ZC3H11A: variants seen among roughly 807,000 people sequenced by gnomAD.
ZC3H11A encodes the protein zinc finger CCCH domain-containing protein 11A.
A neutral mutation model predicts 90.8 loss-of-function variants in ZC3H11A; 22 were observed. The ratio of observed to expected loss-of-function variants is 0.24; its 90% CI spans 0.17 to 0.35. ZC3H11A has a LOEUF of 0.35. Ranked by LOEUF, ZC3H11A falls within the 10% of genes least tolerant of loss-of-function variation. ZC3H11A has a pLI of 1.00. For missense variants in ZC3H11A, 701 were observed against 964.9 expected (o/e 0.73, Z 3.62); for synonymous variants, 294 against 339.8 (o/e 0.87, Z 1.48).
chr1:203,806,798 T>G (rs924912402), intron 2 of ZC3H11A, among the ~76,000 whole-genome samples: 1 of 151,536 alleles, frequency 6.6e-6, no homozygotes, highest in African/African-American at 2.4e-5. Context: ...ATTTACCAAG[T>G]TTTTGTTGAG....
rs141925037 is a variant in ZC3H11A at position 203,826,258 on chromosome 1, C to T, written c.175-2041C>T. 1.1e-3 allele frequency among the ~76,000 whole-genome samples: 166 copies of T among 152,000 alleles called. 4 individuals are homozygous for T. The East Asian group carries it at 0.027, about 25-fold the overall frequency. On this transcript the variant is annotated intron_variant, in intron 4 of 17. Transcript: ENST00000367210. ...TTATTTTTACTTTATTTTTACTGCT[C>T]CTTGTGGAGCAGGGCCACTCTATAG...
chr1:203,838,672 C>T (rs149234790), intron 11 of ZC3H11A, among the ~76,000 whole-genome samples: 76 of 152,080 alleles, frequency 5.0e-4, no homozygotes, highest in East Asian at 4.1e-3. Context: ...ATAAACAGGC[C>T]GGGCACGGTA....
intron 2 of ZC3H11A, among the ~76,000 whole-genome samples, chr1:203,812,718 A>G (rs1674933148): frequency 6.6e-6 from 1 of 150,738 alleles, no homozygotes; most frequent in Non-Finnish European, 1.5e-5. Context: ...AGTAGCTGGG[A>G]TTACAGGTGT....
rs762203651 is a variant in ZC3H11A, at chr1:203,818,796, G to A, written c.174+107G>A. The A allele has an allele frequency of 4.7e-5, 71 of 1,525,946 alleles. No homozygotes were observed. The South Asian group carries it at 6.2e-4, about 13-fold the overall frequency. The allele number at this position is 1,525,946 out of a possible 1,614,324, so 94.5% of individuals were successfully genotyped here. On this transcript the variant is annotated intron_variant, in intron 4 of 17. Coordinates refer to ENST00000367210, the MANE Select transcript of ZC3H11A (RefSeq NM_001376342.1). ...TTTAAAAAATATATTAAGGCTGAGT[G>A]CAGTGGCTCATGCCTGTAGTTCCAG...
intron 12 of ZC3H11A, among the ~76,000 whole-genome samples, chr1:203,846,076 G>A (rs1239564520): frequency 7.6e-6 from 1 of 131,794 alleles, no homozygotes; most frequent in Non-Finnish European, 1.5e-5. Flanking sequence ...CAGGAGTTTG[G>A]AGACCAGCCT....
intron 2 of ZC3H11A, among the ~76,000 whole-genome samples, chr1:203,810,869 G>A (rs929402443): frequency 1.3e-5 from 2 of 151,846 alleles, no homozygotes; most frequent in African/African-American, 2.4e-5. Context: ...AGACGCTCAC[G>A]CCTGTAATCC....
intron 11 of ZC3H11A, among the ~76,000 whole-genome samples, chr1:203,838,954 C>CAAAA (rs59033094): frequency 4.7e-4 from 46 of 97,824 alleles, no homozygotes; most frequent in East Asian, 1.9e-3. Context: ...GACTTCATCT[C>CAAAA]AAAAAAAAAA....
Position 203,831,762 on chromosome 1 carries a change from A to T in ZC3H11A, c.802A>T (p.Thr268Ser), listed in dbSNP as rs773474696. The T allele has an allele frequency of 3.5e-5, 56 of 1,611,328 alleles. No homozygotes were observed. Among genetic ancestry groups the T allele is most frequent in the Middle Eastern group, 1.6e-4 (1 of 6,080 alleles). ...RTVVRTVTLS[T>S]KQGEEPLVRL... The stretch of plus-strand genomic sequence containing the variant: ...TGTGGTGAGGACAGTAACTCTCTCC[A>T]CCAAACAAGGTAAGGTATAGATAGG... Residue 268 changes from threonine to serine, a missense_variant, in exon 9 of 18, where the codon ACC (threonine) becomes TCC (serine). Thr to Ser is a moderately conservative substitution (Grantham distance 58). Around this residue, in one of 4 missense-constraint regions of ZC3H11A, gnomAD observed 530 missense variants for 696.2 expected, o/e 0.76. Coordinates refer to ENST00000367210, the MANE Select transcript of ZC3H11A (RefSeq NM_001376342.1).
chr1:203,823,729 A>C (rs1679545223), intron 4 of ZC3H11A, among the ~76,000 whole-genome samples: 1 of 152,194 alleles, frequency 6.6e-6, no homozygotes, highest in African/African-American at 2.4e-5. Context: ...TACTTTTTAC[A>C]CATAGGTATT....
chr1:203,805,819 CT>C, intron 2 of ZC3H11A: 1 of 874,126 alleles, frequency 1.1e-6, no homozygotes, highest in Non-Finnish European at 1.9e-6. Flanking sequence ...GCCGCCATAA[CT>C]GCGACTCAGT....
At chr1:203,830,313 C>T in intron 8 of ZC3H11A, 110 bp downstream of exon 8, 1 of 849,860 alleles carries the variant, frequency 1.2e-6, no homozygotes, top group Admixed American at 2.5e-5. Context: ...ATTTCCATGG[C>T]CTGTTTGAAG....
At chr1:203,819,550 T>C (rs1677739837) in intron 4 of ZC3H11A, among the ~76,000 whole-genome samples, 2 of 135,234 alleles carry the variant, frequency 1.5e-5, no homozygotes, top group Non-Finnish European at 3.2e-5. Context: ...TTTTTTTTTT[T>C]TGAGACAGAG....
chr1:203,804,148 ATG>A lies in ZC3H11A; in HGVS notation c.-146+1136_-146+1137del, dbSNP rs200907360. 4.8e-4 allele frequency among the ~76,000 whole-genome samples: 63 copies of A among 131,102 alleles called. 4 individuals carry two copies. The highest frequency in any genetic ancestry group is 4.0e-3 in the Middle Eastern group (1 of 252). The allele number at this position is 131,102 out of a possible 152,430, so 86.0% of individuals were successfully genotyped here. ...ATACTTCTTCATTTTCTTCCTGTAT[ATG>A]TGTTTTTTTTTTTTTTTTTGAGACA... is the stretch of plus-strand genomic sequence containing the variant. On this transcript the variant is annotated intron_variant, in intron 2 of 17. Transcript: ENST00000367210.
chr1:203,837,889 T>G (rs1056284359), intron 10 of ZC3H11A, 77 bp from the exon 11 acceptor site: 2 of 1,339,578 alleles, frequency 1.5e-6, no homozygotes, highest in Middle Eastern at 2.4e-4. Flanking sequence ...TATGCTATGT[T>G]GTCTGTTTTT....
At chr1:203,842,568 T>C (rs951254193) in intron 12 of ZC3H11A, among the ~76,000 whole-genome samples, 2 of 148,574 alleles carry the variant, frequency 1.3e-5, no homozygotes, top group African/African-American at 4.9e-5. Context: ...GCCTTGGCTT[T>C]CACAACTTTG....
At position 203,853,280 on chromosome 1, in the gene ZC3H11A, A is replaced by G. The variant is rs558179106; in HGVS notation, c.*881A>G. The G allele has an allele frequency of 2.6e-5, 4 of 152,748 alleles. No homozygotes were observed. Among genetic ancestry groups the G allele is most frequent in the South Asian group, 2.1e-4 (1 of 4,826 alleles). 9.5% of individuals were successfully genotyped at this position (152,748 alleles called of 1,614,324 possible). A position where few individuals can be genotyped will look rare whatever the true frequency, so the allele number is the denominator to read the frequency against. ...CTCTCCCAACAAACCCCTGTTGCCC[A>G]GTATTTGTTTGGTGGCCTTTAACCA... On this transcript the variant is annotated 3_prime_UTR_variant, in exon 18 of 18. Coordinates refer to ENST00000367210, the MANE Select transcript of ZC3H11A (RefSeq NM_001376342.1).
chr1:203,798,717 A>C, intron 1 of ZC3H11A: 1 of 1,536,058 alleles, frequency 6.5e-7, no homozygotes. Context: ...GGAGAGAGAA[A>C]CAACATGTTG....
chr1:203,805,982 G>A (rs542660594), intron 2 of ZC3H11A: 5 of 587,610 alleles, frequency 8.5e-6, no homozygotes, highest in South Asian at 4.4e-5. Flanking sequence ...TTCAATGACT[G>A]GATGGTGTAA....
At chr1:203,835,137 T>C (rs1440803419) in intron 10 of ZC3H11A, among the ~76,000 whole-genome samples, 7 of 152,236 alleles carry the variant, frequency 4.6e-5, no homozygotes, top group African/African-American at 1.7e-4. Context: ...GAATGTATTG[T>C]TGAATCAGTT....
Sources: gnomAD v4.1 joint callset for allele counts (sites outside exome capture counted in the v4.1 genomes callset) on GRCh38, gnomAD v4.1.1 for gene constraint, gnomAD v4.1.1 regional missense constraint, MANE v1.5 for transcripts, NCBI Gene and HGNC (gene_info 2026-07-23, HGNC 2026-07-21) for gene names.